TRIQK: variants seen among roughly 807,000 people sequenced by gnomAD.
TRIQK encodes the protein triple QxxK/R motif containing.
A neutral mutation model predicts 10.8 loss-of-function variants in TRIQK; 10 were observed. The ratio of observed to expected loss-of-function variants is 0.92; its 90% CI spans 0.57 to 1.57. TRIQK has a LOEUF of 1.57. Ranked by LOEUF, TRIQK falls within the 40% of genes most tolerant of loss-of-function variation. The pLI, the probability that TRIQK is intolerant of heterozygous loss-of-function variation, is 0.00. For synonymous variants in TRIQK, 33 were observed against 33.7 expected, an observed-to-expected ratio of 0.98 and a Z score of 0.07; for missense variants, 107 against 97.7, an observed-to-expected ratio of 1.09 and a Z score of -0.40.
intron 1 of TRIQK, among the ~76,000 whole-genome samples, chr8:92,977,480 T>C (rs897911844): frequency 6.6e-6 from 1 of 152,092 alleles, no homozygotes; most frequent in Admixed American, 6.6e-5. Context: ...CAGACATTTT[T>C]CCCTATATTT....
chr8:92,883,856 T>A lies in TRIQK; in HGVS notation c.*2766A>T, dbSNP rs1282368675. On this transcript the variant is annotated 3_prime_UTR_variant, in exon 5 of 5. Coordinates refer to ENST00000521988, the MANE Select transcript of TRIQK (RefSeq NM_001171797.2). ...ATTTGTACTAAAATAGGCTTTTGCT[T>A]GTTTTAAAAGCAATTCTAGATGAGG... The A allele has an allele frequency of 6.6e-6, 1 of 151,792 alleles. No homozygotes were observed. Among genetic ancestry groups the A allele is most frequent in the African/African-American group, 2.4e-5 (1 of 41,400 alleles). The allele number at this position is 151,792 out of a possible 1,614,324, so 9.4% of individuals were successfully genotyped here.
rs142522085 is a variant in TRIQK at position 92,992,533 on chromosome 8, G to C, written c.-181+25076C>G. Among the ~76,000 whole-genome samples the C allele has an allele frequency of 2.8e-3, 434 of 152,314 alleles. 2 individuals carry two copies. Among genetic ancestry groups the C allele is most frequent in the African/African-American group, 1.0e-2 (415 of 41,574 alleles). On this transcript the variant is annotated intron_variant, in intron 1 of 4. Coordinates refer to the TRIQK transcript ENST00000520686. ...CAAGTAGGGGTCTGAGAGAAAGCCA[G>C]GATACTGTCTCAGGCCCAAGACTTC...
At position 92,917,433 on chromosome 8, in the gene TRIQK, A is replaced by T. The variant is rs148728296; in HGVS notation, c.-21-423T>A. Among the ~76,000 whole-genome samples, 927 of 152,148 alleles carry T rather than the reference A, an allele frequency of 6.1e-3. 9 individuals are homozygous for T. Among genetic ancestry groups the T allele is most frequent in the African/African-American group, 0.021 (866 of 41,558 alleles). On this transcript the variant is annotated intron_variant, in intron 2 of 4. Coordinates refer to ENST00000521988, the MANE Select transcript of TRIQK (RefSeq NM_001171797.2). ...AAGTAAGGCTAAAGTTTGAATCTCA[A>T]GTATTTTGTATTTTATTTTAAAAAG...
intron 3 of TRIQK, among the ~76,000 whole-genome samples, chr8:92,910,807 G>A (rs1366869372): frequency 4.6e-5 from 7 of 151,268 alleles, no homozygotes; most frequent in African/African-American, 7.2e-5. Context: ...GCTAAGCAAC[G>A]AAAACATAGC....
chr8:92,958,176 A>G (rs1247715955), intron 1 of TRIQK, among the ~76,000 whole-genome samples: 1 of 151,922 alleles, frequency 6.6e-6, no homozygotes, highest in Non-Finnish European at 1.5e-5. Context: ...TTAGGCCCCA[A>G]TCACTAAACT....
intron 1 of TRIQK, among the ~76,000 whole-genome samples, chr8:92,995,578 T>C (rs1432926090): frequency 6.6e-6 from 1 of 152,080 alleles, no homozygotes; most frequent in Non-Finnish European, 1.5e-5. Flanking sequence ...ACTCTGTGTT[T>C]GAAGTAGTTT....
chr8:92,920,027 C>T (rs1810089923), intron 2 of TRIQK, among the ~76,000 whole-genome samples: 1 of 151,112 alleles, frequency 6.6e-6, no homozygotes, highest in Non-Finnish European at 1.5e-5. Context: ...CCTTTTTTTC[C>T]TTGGGCAAGC....
intron 2 of TRIQK, among the ~76,000 whole-genome samples, chr8:92,933,768 T>C (rs1810850809): frequency 6.6e-6 from 1 of 152,126 alleles, no homozygotes. Flanking sequence ...ATATATATTG[T>C]GAAATCATGT....
intron 2 of TRIQK, among the ~76,000 whole-genome samples, chr8:92,937,107 T>A (rs1488325684): frequency 6.6e-6 from 1 of 151,756 alleles, no homozygotes; most frequent in African/African-American, 2.4e-5. Context: ...GTAAGTACAC[T>A]CACTGAAAAT....
intron 2 of TRIQK, among the ~76,000 whole-genome samples, chr8:92,939,252 C>T (rs1811150051): frequency 6.6e-6 from 1 of 152,148 alleles, no homozygotes; most frequent in Middle Eastern, 3.2e-3. Context: ...AGTGGGGTCT[C>T]AACTAAATGC....
chr8:92,942,442 A>C (rs1811315440), intron 2 of TRIQK, among the ~76,000 whole-genome samples: 1 of 152,170 alleles, frequency 6.6e-6, no homozygotes, highest in Non-Finnish European at 1.5e-5. Flanking sequence ...TAATATACTG[A>C]ATGTGGAAAA....
At chr8:92,924,203 A>C (rs1810328563) in intron 2 of TRIQK, among the ~76,000 whole-genome samples, 1 of 151,978 alleles carries the variant, frequency 6.6e-6, no homozygotes, top group African/African-American at 2.4e-5. Flanking sequence ...CTGAGGATAT[A>C]ATAAACACAG....
intron 1 of TRIQK, among the ~76,000 whole-genome samples, chr8:92,975,441 A>G (rs866621284): frequency 6.6e-6 from 1 of 152,188 alleles, no homozygotes; most frequent in African/African-American, 2.4e-5. Flanking sequence ...AAAGAATTTG[A>G]ACACATTATA....
At position 92,892,032 on chromosome 8, in the gene TRIQK, G is replaced by A; in HGVS notation, c.104C>T (p.Thr35Ile). ...TTTCTTTGCTTCTGCTTTTAATTTG[G>A]TTGCTCGTAAAATAGGTTTAGTTTT... Reference protein sequence around the residue: ...YKKTKPILRATKLKAEAKKTA... With the variant: ...YKKTKPILRAIKLKAEAKKTA... Residue 35 changes from threonine to isoleucine, a missense_variant, in exon 4 of 5, where the codon ACC (threonine) becomes ATC (isoleucine). Coordinates refer to ENST00000521988, the MANE Select transcript of TRIQK (RefSeq NM_001171797.2). The A allele has an allele frequency of 6.5e-7, 1 of 1,533,270 alleles. No individual in the cohort carries two copies. The highest frequency in any genetic ancestry group is 1.4e-5 in the African/African-American group (1 of 72,892). 95.0% of individuals were successfully genotyped at this position (1,533,270 alleles called of 1,614,324 possible). A position where few individuals can be genotyped will look rare whatever the true frequency, so the allele number is the denominator to read the frequency against.
At chr8:92,903,689 T>C (rs1809081052) in intron 3 of TRIQK, among the ~76,000 whole-genome samples, 1 of 152,154 alleles carries the variant, frequency 6.6e-6, no homozygotes, top group South Asian at 2.1e-4. Context: ...TCTATACTAT[T>C]AATAAGATAG....
At chr8:92,922,742 C>T (rs1415150058) in intron 2 of TRIQK, 1 of 151,538 alleles carries the variant, frequency 6.6e-6, no homozygotes, top group Non-Finnish European at 1.5e-5. Context: ...TCAGAGGGGC[C>T]TATGCTTTAT....
At chr8:93,002,854 A>C (rs1012523390) in intron 1 of TRIQK, among the ~76,000 whole-genome samples, 9 of 151,390 alleles carry the variant, frequency 5.9e-5, no homozygotes, top group African/African-American at 1.7e-4. Context: ...CGGAAGGCAG[A>C]GGTTGCAGTG....
intron 4 of TRIQK, among the ~76,000 whole-genome samples, chr8:92,890,642 C>A (rs1016374162): frequency 1.3e-5 from 2 of 151,904 alleles, no homozygotes; most frequent in South Asian, 2.1e-4. Context: ...TAAATAGCTG[C>A]ACTATTTCTC....
At chr8:92,952,962 G>T (rs980822993) in intron 2 of TRIQK, among the ~76,000 whole-genome samples, 1 of 151,944 alleles carries the variant, frequency 6.6e-6, no homozygotes, top group Non-Finnish European at 1.5e-5. Context: ...ACTTATTTTG[G>T]ATATGTAGTC....
Sources: allele counts gnomAD v4.1 joint callset (sites outside exome capture counted in the v4.1 genomes callset), GRCh38; gene constraint gnomAD v4.1.1; transcripts MANE v1.5; gene names NCBI Gene and HGNC (gene_info 2026-07-23, HGNC 2026-07-21).